The following PHACTR1 variants were observed in gnomAD, a reference collection of about 807,000 sequenced individuals.
PHACTR1 encodes the protein phosphatase and actin regulator 1, also known as RPEL repeat containing 1.
A neutral mutation model predicts 69.2 loss-of-function variants in PHACTR1; 16 were observed. That is an observed-to-expected ratio of 0.23 (90% CI 0.16 to 0.35). The LOEUF is 0.35. PHACTR1 is among the 10% of genes least tolerant of loss of function. The pLI is 1.00. For synonymous variants in PHACTR1, 312 were observed against 284.5 expected (o/e 1.10, Z -0.97); for missense variants, 510 against 734.7 (o/e 0.69, Z 3.54).
intron 3 of PHACTR1, among the ~76,000 whole-genome samples, chr6:12,723,893 C>A (rs1393735349): frequency 1.3e-5 from 2 of 152,136 alleles, no homozygotes; most frequent in Non-Finnish European, 2.9e-5. Flanking sequence ...AAATGTGGAG[C>A]CAGGGCTGAC....
intron 4 of PHACTR1, among the ~76,000 whole-genome samples, chr6:12,776,369 C>A (rs1770064763): frequency 6.6e-6 from 1 of 152,204 alleles, no homozygotes; most frequent in Non-Finnish European, 1.5e-5. Flanking sequence ...GCTGAAAAAG[C>A]TTACTCTGGA....
chr6:12,979,743 A>AC (rs1265815806), intron 4 of PHACTR1, among the ~76,000 whole-genome samples: 5 of 151,024 alleles, frequency 3.3e-5, no homozygotes, highest in African/African-American at 9.7e-5. Context: ...AAAAAAAAAA[A>AC]CCCCACACAA....
chr6:12,980,621 G>A (rs996946722), intron 4 of PHACTR1, among the ~76,000 whole-genome samples: 1 of 151,856 alleles, frequency 6.6e-6, no homozygotes, highest in Admixed American at 6.6e-5. Flanking sequence ...ACTTCTATGT[G>A]TGATTGTGGC....
At chr6:12,855,030 G>A (rs6934996) in intron 4 of PHACTR1, among the ~76,000 whole-genome samples, 2,943 of 152,236 alleles carry the variant, frequency 0.019, 43 homozygotes, top group Non-Finnish European at 0.026. Context: ...CAGCAATCCC[G>A]TTAGTGGGTG....
intron 7 of PHACTR1, among the ~76,000 whole-genome samples, chr6:13,186,207 A>G (rs1583799642): frequency 1.3e-5 from 2 of 152,358 alleles, no homozygotes; most frequent in Admixed American, 1.3e-4. Context: ...ACTACAAAGG[A>G]GAAAAGGTCC....
intron 4 of PHACTR1, among the ~76,000 whole-genome samples, chr6:12,943,946 A>T (rs1249692154): frequency 6.6e-6 from 1 of 152,240 alleles, no homozygotes; most frequent in Non-Finnish European, 1.5e-5. Flanking sequence ...CAATAGAAAA[A>T]TAATGGACAA....
intron 4 of PHACTR1, among the ~76,000 whole-genome samples, chr6:12,931,560 T>C (rs1788874104): frequency 2.0e-5 from 3 of 152,064 alleles, no homozygotes; most frequent in Admixed American, 6.5e-5. Flanking sequence ...GCATTGCTTA[T>C]GTAAATAGCA....
intron 4 of PHACTR1, among the ~76,000 whole-genome samples, chr6:12,915,506 C>CA (rs1225757251): frequency 0.065 from 3,225 of 49,762 alleles, 260 homozygotes; most frequent in Non-Finnish European, 0.087. Context: ...AACTCTCTCT[C>CA]AAAAAAAAAA....
intron 5 of PHACTR1, among the ~76,000 whole-genome samples, chr6:13,141,724 CTTTTT>C (rs577073698): frequency 1.7e-4 from 15 of 89,808 alleles, no homozygotes; most frequent in Non-Finnish European, 2.2e-4. Context: ...TTTCTTCTTT[CTTTTT>C]TTTTTTTTTT....
At chr6:13,218,056 TGAG>T (rs1285558100) in intron 8 of PHACTR1, among the ~76,000 whole-genome samples, 2 of 152,248 alleles carry the variant, frequency 1.3e-5, no homozygotes, top group African/African-American at 4.8e-5. Flanking sequence ...CTCTGTCCTT[TGAG>T]GAGATTAATG....
At chr6:13,100,185 T>G (rs78439601) in intron 5 of PHACTR1, among the ~76,000 whole-genome samples, 1,997 of 152,340 alleles carry the variant, frequency 0.013, 45 homozygotes, top group African/African-American at 0.045. Flanking sequence ...TTATTTAATG[T>G]TAAGTTTAGT....
At chr6:12,751,785 C>T (rs966327026) in intron 4 of PHACTR1, among the ~76,000 whole-genome samples, 2 of 152,094 alleles carry the variant, frequency 1.3e-5, no homozygotes, top group Non-Finnish European at 2.9e-5. Context: ...TTAAAATATT[C>T]CTAATGTAAA....
At chr6:12,813,850 A>T (rs141393799) in intron 4 of PHACTR1, among the ~76,000 whole-genome samples, 1 of 152,352 alleles carries the variant, frequency 6.6e-6, no homozygotes, top group East Asian at 1.9e-4. Context: ...GGCCAGCAGC[A>T]TCAGCATCCT....
In PHACTR1 at chr6:13,192,334, G is replaced by A. The variant is rs532274196; in HGVS notation, c.664+9648G>A. Among the ~76,000 whole-genome samples the A allele has an allele frequency of 9.2e-4, 140 of 152,304 alleles. 2 individuals carry two copies. Among genetic ancestry groups the A allele is most frequent in the African/African-American group, 3.2e-3 (134 of 41,558 alleles). On this transcript the variant is annotated intron_variant, in intron 7 of 14. Transcript: ENST00000332995. ...ATTTTGACAGGTAGGATTGGAGGAG[G>A]AGGTTGTTCTTAAACAAGATGCAAA...
At chr6:12,771,922 G>A (rs943624282) in intron 4 of PHACTR1, among the ~76,000 whole-genome samples, 1 of 152,172 alleles carries the variant, frequency 6.6e-6, no homozygotes, top group Admixed American at 6.5e-5. Flanking sequence ...AAATGCAGCA[G>A]AGAGACCAGG....
intron 5 of PHACTR1, among the ~76,000 whole-genome samples, chr6:13,124,785 GCTC>G (rs1819269882): frequency 6.6e-6 from 1 of 152,204 alleles, no homozygotes; most frequent in African/African-American, 2.4e-5. Context: ...CTCACTGTGT[GCTC>G]ACGTGATGGA....
chr6:12,903,416 G>A (rs1350362994), intron 4 of PHACTR1, among the ~76,000 whole-genome samples: 1 of 152,178 alleles, frequency 6.6e-6, no homozygotes, highest in African/African-American at 2.4e-5. Flanking sequence ...ATAGCCAAAG[G>A]TTGCCTCACT....
intron 3 of PHACTR1, among the ~76,000 whole-genome samples, chr6:12,726,905 T>C (rs758336190): frequency 4.6e-5 from 7 of 152,248 alleles, no homozygotes; most frequent in Admixed American, 6.5e-5. Flanking sequence ...ATAGTTGATA[T>C]GTAATCATAC....
chr6:12,801,706 C>A (rs1160109271), intron 4 of PHACTR1, among the ~76,000 whole-genome samples: 1 of 152,046 alleles, frequency 6.6e-6, no homozygotes, highest in African/African-American at 2.4e-5. Context: ...ATTAATGAGG[C>A]TAAATTAAGC....
Sources: gnomAD v4.1 joint callset for allele counts (sites outside exome capture counted in the v4.1 genomes callset) on GRCh38, gnomAD v4.1.1 for gene constraint, MANE v1.5 for transcripts, NCBI Gene and HGNC (gene_info 2026-07-23, HGNC 2026-07-21) for gene names.